Variants in WWOX observed in about 807,000 individuals in gnomAD.
WWOX encodes WW domain-containing oxidoreductase.
In WWOX, 69 loss-of-function variants were observed where a neutral mutation model predicts 46.2. That is an observed-to-expected ratio of 1.49 (90% CI 1.23 to 1.82). The LOEUF (loss-of-function observed/expected upper bound fraction) is 1.82. WWOX is among the 40% of genes most tolerant of loss of function. WWOX has a pLI of 0.00. For synonymous variants in WWOX, 359 were observed against 202.6 expected (o/e 1.77, Z -6.56); for missense variants, 919 against 542.6 (o/e 1.69, Z -6.89).
At chr16:78,100,813 C>G (rs576855536) in intron 1 of WWOX, among the ~76,000 whole-genome samples, 1 of 152,176 alleles carries the variant, frequency 6.6e-6, no homozygotes, top group Non-Finnish European at 1.5e-5. Flanking sequence ...ACGACAGTGC[C>G]TCTTATATCG....
chr16:79,044,876 C>T (rs565822230), intron 8 of WWOX, among the ~76,000 whole-genome samples: 2 of 152,232 alleles, frequency 1.3e-5, no homozygotes, highest in South Asian at 4.2e-4. Flanking sequence ...CTCATTGAGT[C>T]CCCCATCCTC....
chr16:78,785,449 C>G (rs1282336885), intron 8 of WWOX, among the ~76,000 whole-genome samples: 1 of 152,218 alleles, frequency 6.6e-6, no homozygotes, highest in Non-Finnish European at 1.5e-5. Context: ...AAATGATTAA[C>G]AACTGGCTCT....
intron 8 of WWOX, among the ~76,000 whole-genome samples, chr16:79,098,057 C>T (rs181693849): frequency 3.3e-3 from 502 of 152,240 alleles, no homozygotes; most frequent in Middle Eastern, 0.024. Context: ...GAGGCGCCTG[C>T]AGAATTTGAT....
chr16:78,804,946 C>T (rs924293088), intron 8 of WWOX, among the ~76,000 whole-genome samples: 1 of 152,230 alleles, frequency 6.6e-6, no homozygotes, highest in Non-Finnish European at 1.5e-5. Flanking sequence ...TGAAATATTG[C>T]TACCAATGTC....
intron 8 of WWOX, among the ~76,000 whole-genome samples, chr16:79,128,578 A>C (rs2049809611): frequency 6.6e-6 from 1 of 152,174 alleles, no homozygotes; most frequent in African/African-American, 2.4e-5. Context: ...CCTGAGCTTT[A>C]TAACGGTTTG....
At chr16:79,096,333 C>T (rs527774056) in intron 8 of WWOX, among the ~76,000 whole-genome samples, 1 of 152,168 alleles carries the variant, frequency 6.6e-6, no homozygotes, top group Non-Finnish European at 1.5e-5. Flanking sequence ...GCAAGCCATG[C>T]TCTCGAGCTG....
At chr16:78,180,346 G>A (rs564991944) in intron 5 of WWOX, among the ~76,000 whole-genome samples, 2 of 152,238 alleles carry the variant, frequency 1.3e-5, no homozygotes, top group South Asian at 4.2e-4. Flanking sequence ...CTGAGAGTAG[G>A]GGGCATATGG....
intron 5 of WWOX, among the ~76,000 whole-genome samples, chr16:78,310,182 C>G (rs187644671): frequency 1.3e-5 from 2 of 151,988 alleles, no homozygotes; most frequent in Non-Finnish European, 2.9e-5. Flanking sequence ...CAGAATTTTC[C>G]GTAAGAACAT....
chr16:79,099,482 C>G (rs934165810), intron 8 of WWOX, among the ~76,000 whole-genome samples: 1 of 152,108 alleles, frequency 6.6e-6, no homozygotes, highest in Non-Finnish European at 1.5e-5. Flanking sequence ...TTCTAGCTGA[C>G]TGTTGTCATA....
chr16:78,659,044 A>T (rs1290592414), intron 8 of WWOX, among the ~76,000 whole-genome samples: 5 of 150,690 alleles, frequency 3.3e-5, no homozygotes, highest in African/African-American at 1.2e-4. Context: ...GTGAGCCGAG[A>T]TTGTGCCACT....
In WWOX at chr16:78,952,133, T is replaced by C. The variant is rs184814032; in HGVS notation, c.1057-259475T>C. ...TTCCCTGTCTCATTTCTCACTGTTA[T>C]CATTGTAACCCTCTACCCTCTCTTT... On this transcript the variant is annotated intron_variant, in intron 8 of 8. Transcript: ENST00000566780. Among the ~76,000 whole-genome samples the C allele has an allele frequency of 1.7e-3, 252 of 152,126 alleles. 1 individual carries two copies. The highest frequency in any genetic ancestry group is 5.0e-3 in the African/African-American group (209 of 41,536).
intron 5 of WWOX, among the ~76,000 whole-genome samples, chr16:78,378,887 A>T (rs1030579216): frequency 6.6e-6 from 1 of 152,226 alleles, no homozygotes; most frequent in African/African-American, 2.4e-5. Flanking sequence ...ACAAATAAGA[A>T]TATATAGATG....
chr16:78,547,969 T>C (rs780324180), intron 8 of WWOX, among the ~76,000 whole-genome samples: 2 of 151,886 alleles, frequency 1.3e-5, no homozygotes, highest in Non-Finnish European at 2.9e-5. Flanking sequence ...CTGGCCAATG[T>C]GGTGAAACCC....
chr16:78,295,819 G>A (rs571192672), intron 5 of WWOX, among the ~76,000 whole-genome samples: 22 of 152,210 alleles, frequency 1.4e-4, no homozygotes, highest in Non-Finnish European at 2.6e-4. Context: ...ACAGGGCTTC[G>A]CCCCCAGCAT....
intron 8 of WWOX, among the ~76,000 whole-genome samples, chr16:79,187,349 C>T (rs2051037181): frequency 1.3e-5 from 2 of 152,250 alleles, no homozygotes; most frequent in East Asian, 1.9e-4. Flanking sequence ...GATCAAATAC[C>T]TCCTATGCCC....
chr16:79,052,344 C>G (rs896622669), intron 8 of WWOX, among the ~76,000 whole-genome samples: 1 of 152,162 alleles, frequency 6.6e-6, no homozygotes, highest in African/African-American at 2.4e-5. Context: ...CCAATTTCAT[C>G]CATGTCCCTA....
chr16:78,684,064 C>G (rs533719204), intron 8 of WWOX, among the ~76,000 whole-genome samples: 1 of 152,160 alleles, frequency 6.6e-6, no homozygotes, highest in Non-Finnish European at 1.5e-5. Flanking sequence ...AGTTTTGGCT[C>G]GCACATGCTT....
At position 78,141,974 on chromosome 16, in the gene WWOX, C is replaced by A. The variant is rs146146695; in HGVS notation, c.410-22209C>A. On this transcript the variant is annotated intron_variant, in intron 4 of 8. Transcript: ENST00000566780. Reference sequence around the variant, plus strand: ...TAGACCCTGGATTTCTAAATTCTTCCTTATAAAATTTTAAATTTCTTTTTT... The same window carrying A: ...TAGACCCTGGATTTCTAAATTCTTCATTATAAAATTTTAAATTTCTTTTTT... 8.4e-3 allele frequency among the ~76,000 whole-genome samples: 1,187 copies of A among 141,744 alleles called. 21 individuals are homozygous for A. The highest frequency in any genetic ancestry group is 0.029 in the African/African-American group (1,093 of 37,674). The allele number at this position is 141,744 out of a possible 152,430, so 93.0% of individuals were successfully genotyped here.
chr16:78,232,982 C>G (rs1323209525), intron 5 of WWOX, among the ~76,000 whole-genome samples: 2 of 152,144 alleles, frequency 1.3e-5, no homozygotes, highest in African/African-American at 4.8e-5. Flanking sequence ...GCTGGGACTA[C>G]AGGCGTGCGC....
Sources: gnomAD v4.1 joint callset for allele counts (sites outside exome capture counted in the v4.1 genomes callset) on GRCh38, gnomAD v4.1.1 for gene constraint, MANE v1.5 for transcripts, NCBI Gene and HGNC (gene_info 2026-07-23, HGNC 2026-07-21) for gene names.